The following PHACTR2 variants were observed in gnomAD, a reference collection of about 807,000 sequenced individuals.
The protein encoded by PHACTR2 is phosphatase and actin regulator 2, also known as chromosome 6 open reading frame 56.
PHACTR2 carries 30 observed loss-of-function variants against 76.0 expected under a neutral mutation model. That is an observed-to-expected ratio of 0.39 (90% CI 0.30 to 0.54). The LOEUF (loss-of-function observed/expected upper bound fraction) is 0.54, where lower values mean the gene tolerates loss of function less well. PHACTR2 is among the 20% of genes least tolerant of loss of function. The pLI is 0.61. For missense variants in PHACTR2, 696 were observed against 781.1 expected, an observed-to-expected ratio of 0.89 and a Z score of 1.30; for synonymous variants, 292 against 292.5, an observed-to-expected ratio of 1.00 and a Z score of 0.02.
At chr6:143,813,249 C>T (rs954503503) in intron 12 of PHACTR2, among the ~76,000 whole-genome samples, 6 of 151,996 alleles carry the variant, frequency 3.9e-5, no homozygotes, top group Non-Finnish European at 7.4e-5. Flanking sequence ...TAAAATGAGC[C>T]GCAAGAGATC....
rs181358059 is a variant in PHACTR2 at position 143,662,095 on chromosome 6, C to T, written c.14-49921C>T. Among the ~76,000 whole-genome samples, 10 of 152,286 alleles carry T rather than the reference C, an allele frequency of 6.6e-5. No homozygotes were observed. The highest frequency in any genetic ancestry group is 3.3e-4 in the Admixed American group (5 of 15,290). ...GTCAGAGCACCTGCAAGCTTCATTG[C>T]TCCTCCCCCTTTCTCAGCTCCCATC... On this transcript the variant is annotated intron_variant, in intron 1 of 11. Transcript: ENST00000305766. This position sits in a 1 kb window ranked among gnomAD's most constrained non-coding sequence, Gnocchi z 4.7.
intron 1 of PHACTR2, among the ~76,000 whole-genome samples, chr6:143,685,764 A>C (rs1777502565): frequency 6.6e-6 from 1 of 152,060 alleles, no homozygotes; most frequent in South Asian, 2.1e-4. Flanking sequence ...TTCCCAAAAG[A>C]CAATTGTTTT....
intron 1 of PHACTR2, among the ~76,000 whole-genome samples, chr6:143,642,225 G>A (rs1430446321): frequency 1.3e-5 from 2 of 152,200 alleles, no homozygotes; most frequent in Non-Finnish European, 2.9e-5. Context: ...GTCTTGGAAT[G>A]TCCTACAGTT....
Position 143,629,470 on chromosome 6 carries a change from C to T in PHACTR2, c.13+21148C>T, listed in dbSNP as rs115201544. Among the ~76,000 whole-genome samples, 1,150 of 152,182 alleles carry T rather than the reference C, an allele frequency of 7.6e-3. 13 individuals carry two copies. Among genetic ancestry groups the T allele is most frequent in the African/African-American group, 0.026 (1,071 of 41,508 alleles). ...TTATTCCAAACTAACCAGTACCTCA[C>T]GGTGATGGAGAAATACAGTTTGGCA... On this transcript the variant is annotated intron_variant, in intron 1 of 11. Coordinates refer to the PHACTR2 transcript ENST00000305766.
chr6:143,769,973 T>A (rs992604115), intron 6 of PHACTR2, among the ~76,000 whole-genome samples: 1 of 152,144 alleles, frequency 6.6e-6, no homozygotes, highest in African/African-American at 2.4e-5. Context: ...AACATAGAAT[T>A]ACCATGTGAT....
chr6:143,807,156 G>A lies in PHACTR2; in HGVS notation c.1922+23G>A. 2 of 1,443,984 alleles carry A rather than the reference G, an allele frequency of 1.4e-6. No homozygotes were observed. Among genetic ancestry groups the A allele is most frequent in the Non-Finnish European group, 1.9e-6 (2 of 1,034,734 alleles). 89.4% of individuals were successfully genotyped at this position (1,443,984 alleles called of 1,614,324 possible). ...AAGGTAGGTGACAAAATGCAGCTTA[G>A]AAATTGAAAATGCTTAAGATGTGAT... On this transcript the variant is annotated intron_variant, in intron 12 of 12. Coordinates refer to ENST00000440869, the MANE Select transcript of PHACTR2 (RefSeq NM_001100164.2). This position sits in a 1 kb window ranked among gnomAD's most constrained non-coding sequence, Gnocchi z 5.5.
At chr6:143,719,852 G>A (rs1350099968) in intron 2 of PHACTR2, among the ~76,000 whole-genome samples, 1 of 110,762 alleles carries the variant, frequency 9.0e-6, no homozygotes, top group Non-Finnish European at 1.7e-5. Flanking sequence ...TCTCACTCTC[G>A]CCCAGGCTGG....
intron 1 of PHACTR2, among the ~76,000 whole-genome samples, chr6:143,634,590 A>G (rs1452386564): frequency 2.6e-5 from 4 of 152,216 alleles, no homozygotes; most frequent in East Asian, 1.9e-4. Context: ...GGAGTCTGAT[A>G]GTGAGGATGA....
chr6:143,816,783 T>C lies in PHACTR2; in HGVS notation c.1923-6891T>C, dbSNP rs140041847. Among the ~76,000 whole-genome samples the C allele has an allele frequency of 4.9e-3, 750 of 152,308 alleles. 9 individuals carry two copies. The highest frequency in any genetic ancestry group is 0.017 in the African/African-American group (724 of 41,564). On this transcript the variant is annotated intron_variant, in intron 12 of 12. Transcript: ENST00000440869. This position sits in a 1 kb window ranked among gnomAD's most constrained non-coding sequence, Gnocchi z 4.5. Reference sequence around the variant, plus strand: ...TTGGGCTTTCAAAGATTATCTCTTCTGGCTGGGTGCGGTGGCTCATGCCTG... The same window carrying C: ...TTGGGCTTTCAAAGATTATCTCTTCCGGCTGGGTGCGGTGGCTCATGCCTG...
chr6:143,567,334 T>A (rs1365871427), intron 1 of PHACTR2, among the ~76,000 whole-genome samples: 2 of 152,152 alleles, frequency 1.3e-5, no homozygotes, highest in Non-Finnish European at 2.9e-5. Flanking sequence ...TCTCCTATAG[T>A]TTTCTCCATA....
chr6:143,618,944 G>C lies in PHACTR2; in HGVS notation c.13+10622G>C, dbSNP rs1190691242. ...TATACTAAGTACTGTACCTGGCAGA[G>C]GAGGTGTGTTCCATAAGCAGGCAAA... On this transcript the variant is annotated intron_variant, in intron 1 of 11. Transcript: ENST00000305766. This position sits in a 1 kb window ranked among gnomAD's most constrained non-coding sequence, Gnocchi z 5.2. Among the ~76,000 whole-genome samples the C allele has an allele frequency of 6.6e-6, 1 of 152,130 alleles. No homozygotes were observed. The highest frequency in any genetic ancestry group is 1.5e-5 in the Non-Finnish European group (1 of 68,032).
At chr6:143,745,193 G>C (rs1290267528) in intron 2 of PHACTR2, among the ~76,000 whole-genome samples, 5 of 152,174 alleles carry the variant, frequency 3.3e-5, no homozygotes, top group African/African-American at 1.2e-4. Context: ...CAGCTGGTGG[G>C]ATACTTGGGA....
At chr6:143,605,475 G>T (rs1393486716), upstream of PHACTR2, among the ~76,000 whole-genome samples, 2 of 151,364 alleles carry the variant, frequency 1.3e-5, no homozygotes, top group Non-Finnish European at 2.9e-5. The surrounding 1 kb of genome is among the most constrained non-coding windows in gnomAD (Gnocchi z 5.0). Context: ...GATTCTCCCT[G>T]GAGCTTGAGG....
At position 143,771,649 on chromosome 6, in the gene PHACTR2, C is replaced by T. The variant is rs9496768; in HGVS notation, c.1233-609C>T. Among the ~76,000 whole-genome samples, 845 of 152,098 alleles carry T rather than the reference C, an allele frequency of 5.6e-3. 4 individuals are homozygous for T. Among genetic ancestry groups the T allele is most frequent in the African/African-American group, 0.018 (742 of 41,486 alleles). On this transcript the variant is annotated intron_variant, in intron 6 of 12. Transcript: ENST00000440869. ...GACAAGGTCCCCTATGTTGCCCAGG[C>T]TGGTCTTGAACTCCTAGGCTCAAGT...
Position 143,823,716 on chromosome 6 carries a change from A to C in PHACTR2, c.*27A>C. 2 of 1,590,598 alleles carry C rather than the reference A, an allele frequency of 1.3e-6. No individual in the cohort carries two copies. Among genetic ancestry groups the C allele is most frequent in the Non-Finnish European group, 8.6e-7 (1 of 1,158,652 alleles). On this transcript the variant is annotated 3_prime_UTR_variant, in exon 13 of 13. Transcript: ENST00000440869. The surrounding 1 kb of genome is among the most constrained non-coding windows in gnomAD (Gnocchi z 5.7). Reference sequence around the variant, plus strand: ...GAAGAGTGAGACTATTTGGAAACAGAGACTGATCATCTTTGGGGGAAGCCC... The same window carrying C: ...GAAGAGTGAGACTATTTGGAAACAGCGACTGATCATCTTTGGGGGAAGCCC...
rs1389431365 is a variant in PHACTR2, at chr6:143,558,048, G to A, written c.217+20841G>A. 1 of 152,032 alleles carries A rather than the reference G, an allele frequency of 6.6e-6. No homozygotes were observed. Among genetic ancestry groups the A allele is most frequent in the Non-Finnish European group, 1.5e-5 (1 of 68,028 alleles). 9.4% of individuals were successfully genotyped at this position (152,032 alleles called of 1,614,324 possible). On this transcript the variant is annotated intron_variant, in intron 1 of 11. Transcript: ENST00000367584. The surrounding 1 kb of genome is among the most constrained non-coding windows in gnomAD (Gnocchi z 4.7). ...ACTCTTTCTCTCTGACGTTCTCCTT[G>A]GGTCCATCCCACATGCTGCCTGGGA...
At chr6:143,812,019 A>C (rs1776185387) in intron 12 of PHACTR2, among the ~76,000 whole-genome samples, 1 of 152,148 alleles carries the variant, frequency 6.6e-6, no homozygotes, top group African/African-American at 2.4e-5. Context: ...TTGTCTCCTT[A>C]TACCAAGTAA....
At chr6:143,712,599 G>A (rs1474577227) in intron 2 of PHACTR2, among the ~76,000 whole-genome samples, 2 of 151,640 alleles carry the variant, frequency 1.3e-5, no homozygotes, top group Non-Finnish European at 2.9e-5. Context: ...TTAACTAGTA[G>A]ACTATACTGC....
rs956019482 is a variant in PHACTR2 at position 143,780,818 on chromosome 6, C to T, written c.1646-2401C>T. Among the ~76,000 whole-genome samples, 3 of 152,192 alleles carry T rather than the reference C, an allele frequency of 2.0e-5. No individual in the cohort carries two copies. Among genetic ancestry groups the T allele is most frequent in the African/African-American group, 7.2e-5 (3 of 41,442 alleles). The stretch of plus-strand genomic sequence containing the variant: ...ACCACGTCACTTCCTTCATGCATAT[C>T]CCACCAGCCTGTTTAAATTGACCAG... On this transcript the variant is annotated intron_variant, in intron 9 of 12. Coordinates refer to ENST00000440869, the MANE Select transcript of PHACTR2 (RefSeq NM_001100164.2). The surrounding 1 kb of genome is among the most constrained non-coding windows in gnomAD (Gnocchi z 4.4).
Sources: allele counts gnomAD v4.1 joint callset (sites outside exome capture counted in the v4.1 genomes callset), GRCh38; gene constraint gnomAD v4.1.1; non-coding constraint Gnocchi (gnomAD v3.1); transcripts MANE v1.5; gene names NCBI Gene and HGNC (gene_info 2026-07-23, HGNC 2026-07-21).